The following IL17RD variants were observed in gnomAD, a reference collection of about 807,000 sequenced individuals.
The protein encoded by IL17RD is interleukin 17 receptor D.
IL17RD carries 52 observed loss-of-function variants against 80.5 expected under a neutral mutation model. That is an observed-to-expected ratio of 0.65 (90% CI 0.52 to 0.81). The LOEUF (loss-of-function observed/expected upper bound fraction) is 0.81, where lower values mean the gene tolerates loss of function less well. IL17RD is among the 40% of genes least tolerant of loss of function. IL17RD has a pLI of 0.00. For missense variants in IL17RD, 1,024 were observed against 955.1 expected (o/e 1.07, Z -0.95); for synonymous variants, 416 against 391.8 (o/e 1.06, Z -0.73).
chr3:57,156,056 A>C (rs1344667337), intron 1 of IL17RD, among the ~76,000 whole-genome samples: 2 of 152,258 alleles, frequency 1.3e-5, no homozygotes, highest in African/African-American at 4.8e-5. Context: ...ACTATGTGCC[A>C]GGCACTGTTC....
intron 1 of IL17RD, among the ~76,000 whole-genome samples, chr3:57,142,293 G>A (rs930434416): frequency 1.3e-5 from 2 of 152,184 alleles, no homozygotes; most frequent in African/African-American, 4.8e-5. Context: ...TTCCTTCTGG[G>A]AATTCAGGGT....
chr3:57,091,705 C>T lies in IL17RD; in HGVS notation c.*4688G>A, dbSNP rs1579246279. The T allele has an allele frequency of 6.6e-6, 1 of 152,490 alleles. No individual in the cohort carries two copies. Among genetic ancestry groups the T allele is most frequent in the African/African-American group, 2.4e-5 (1 of 41,436 alleles). The allele number at this position is 152,490 out of a possible 1,614,324, so 9.4% of individuals were successfully genotyped here. ...AAGGTGACCAGCTGTTCTTTCTCCA[C>T]TACAAGCCGAACAAAAGGAAGCTGG... On this transcript the variant is annotated 3_prime_UTR_variant, in exon 13 of 13. Coordinates refer to ENST00000296318, the MANE Select transcript of IL17RD (RefSeq NM_017563.5).
chr3:57,146,995 T>TC (rs1707945477), intron 1 of IL17RD, among the ~76,000 whole-genome samples: 1 of 148,208 alleles, frequency 6.7e-6, no homozygotes, highest in Admixed American at 6.7e-5. Context: ...GCTAATTTTT[T>TC]TTTTTTTTTT....
intron 3 of IL17RD, among the ~76,000 whole-genome samples, chr3:57,114,289 A>T (rs1331035867): frequency 6.6e-6 from 1 of 152,164 alleles, no homozygotes; most frequent in Non-Finnish European, 1.5e-5. Flanking sequence ...ACATGTGCCA[A>T]TGCTGGGCTG....
intron 1 of IL17RD, among the ~76,000 whole-genome samples, chr3:57,161,670 A>G (rs578211573): frequency 6.6e-6 from 1 of 152,326 alleles, no homozygotes; most frequent in East Asian, 1.9e-4. Flanking sequence ...AACCTGTGGG[A>G]GTAGATTCCT....
intron 1 of IL17RD, among the ~76,000 whole-genome samples, chr3:57,128,625 G>A (rs891316366): frequency 1.3e-5 from 2 of 150,634 alleles, no homozygotes; most frequent in Non-Finnish European, 2.9e-5. Context: ...TAGGACATTG[G>A]TGTGAGTTGT....
At chr3:57,150,903 T>A (rs982683206) in intron 1 of IL17RD, among the ~76,000 whole-genome samples, 1 of 152,216 alleles carries the variant, frequency 6.6e-6, no homozygotes, top group African/African-American at 2.4e-5. Context: ...GCCATTCTCC[T>A]CTGGCTTGCT....
chr3:57,123,350 T>C (rs1377736332), intron 1 of IL17RD, among the ~76,000 whole-genome samples: 1 of 152,222 alleles, frequency 6.6e-6, no homozygotes, highest in Non-Finnish European at 1.5e-5. Context: ...AGATCATTCC[T>C]GATGTGACAC....
intron 1 of IL17RD, among the ~76,000 whole-genome samples, chr3:57,158,296 C>T (rs1001238693): frequency 4.6e-5 from 7 of 152,186 alleles, no homozygotes; most frequent in African/African-American, 1.7e-4. Flanking sequence ...ACTAAGCTTC[C>T]AATAATACTT....
Position 57,105,878 on chromosome 3 carries a change from G to A in IL17RD, c.726C>T (p.Phe242=). 6.2e-7 allele frequency: 1 copy of A among 1,613,854 alleles called. No individual in the cohort carries two copies. Among genetic ancestry groups the A allele is most frequent in the East Asian group, 2.2e-5 (1 of 44,882 alleles). The part of the protein sequence containing the change: ...LHYKLKHEGP[F]KRKTCKQEQT... The stretch of plus-strand genomic sequence containing the variant: ...TCACCTGCTTACAGGTCTTTCGCTT[G>A]AAAGGTCCTTCGTGCTTGAGCTTGT... Residue 242 remains phenylalanine, a synonymous_variant, in exon 7 of 13, where the codon TTC becomes TTT. Transcript: ENST00000296318.
At chr3:57,121,480 C>T (rs1039098451) in intron 1 of IL17RD, among the ~76,000 whole-genome samples, 3 of 152,150 alleles carry the variant, frequency 2.0e-5, no homozygotes, top group African/African-American at 7.2e-5. Flanking sequence ...ATGGACACAC[C>T]ACCCACCCCC....
chr3:57,101,455 A>C, intron 10 of IL17RD, 92 bp from the exon 11 acceptor site: 1 of 814,138 alleles, frequency 1.2e-6, no homozygotes, highest in Non-Finnish European at 1.9e-6. Flanking sequence ...TTCAAGAAAG[A>C]ACACGTCTAC....
At chr3:57,166,556 C>CAA (rs57014795), upstream of IL17RD, among the ~76,000 whole-genome samples, 7 of 149,370 alleles carry the variant, frequency 4.7e-5, no homozygotes, top group African/African-American at 1.7e-4. Context: ...CCACCACCAA[C>CAA]AAAAAAAAAC....
At position 57,091,836 on chromosome 3, in the gene IL17RD, A is replaced by G. The variant is rs12486855; in HGVS notation, c.*4557T>C. On this transcript the variant is annotated 3_prime_UTR_variant, in exon 13 of 13. Coordinates refer to ENST00000296318, the MANE Select transcript of IL17RD (RefSeq NM_017563.5). ...TACCATCTACAGCCATATGTCTGGA[A>G]TAATTCAGGCACAGCCCTGTCTGAC... 24,188 of 152,222 alleles carry G rather than the reference A, an allele frequency of 0.16. 2,485 individuals are homozygous for G. The highest frequency in any genetic ancestry group is 0.36 in the East Asian group (1,881 of 5,154). The allele number at this position is 152,222 out of a possible 1,614,324, so 9.4% of individuals were successfully genotyped here. A position where few individuals can be genotyped will look rare whatever the true frequency, so the allele number is the denominator to read the frequency against.
At chr3:57,167,502 A>T (rs1427977001), upstream of IL17RD, among the ~76,000 whole-genome samples, 1 of 152,172 alleles carries the variant, frequency 6.6e-6, no homozygotes, top group Non-Finnish European at 1.5e-5. Context: ...GGCCAGGACC[A>T]TATGGGTTTT....
rs1217060480 is a variant in IL17RD at position 57,101,103 on chromosome 3, G to C, written c.1164+76C>G. Reference sequence around the variant, plus strand: ...GTGTCACCACAGGAGGCCCAGAAGAGAGGAGAAGGCAGCGGGGAGAGAGTA... The same window carrying C: ...GTGTCACCACAGGAGGCCCAGAAGACAGGAGAAGGCAGCGGGGAGAGAGTA... On this transcript the variant is annotated intron_variant, in intron 11 of 12. Transcript: ENST00000296318. 1.2e-5 allele frequency: 13 copies of C among 1,124,150 alleles called. No homozygotes were observed. The East Asian group carries it at 1.5e-4, about 13-fold the overall frequency. 69.6% of individuals were successfully genotyped at this position (1,124,150 alleles called of 1,614,324 possible).
chr3:57,134,754 T>C (rs1266652214), intron 1 of IL17RD: 8 of 540,608 alleles, frequency 1.5e-5, no homozygotes, highest in Non-Finnish European at 2.7e-5. Flanking sequence ...CATACTGGCC[T>C]CAGCGATTAC....
intron 1 of IL17RD, among the ~76,000 whole-genome samples, chr3:57,153,681 ATTC>A (rs1255923475): frequency 1.3e-5 from 2 of 152,220 alleles, no homozygotes; most frequent in African/African-American, 2.4e-5. Flanking sequence ...TGTTATTTCA[ATTC>A]TTCTACAGAT....
chr3:57,105,789 CA>C, intron 7 of IL17RD, 67 bp downstream of exon 7: 1 of 1,430,650 alleles, frequency 7.0e-7, no homozygotes, highest in East Asian at 2.3e-5. Context: ...TTGAGCAACC[CA>C]AATTCCAGTG....
Sources: gnomAD v4.1 joint callset for allele counts (sites outside exome capture counted in the v4.1 genomes callset) on GRCh38, gnomAD v4.1.1 for gene constraint, MANE v1.5 for transcripts, NCBI Gene and HGNC (gene_info 2026-07-23, HGNC 2026-07-21) for gene names.